NYAP2: variants seen among roughly 807,000 people sequenced by gnomAD.
NYAP2 encodes the protein neuronal tyrosine-phosphorylated phosphoinositide-3-kinase adaptor 2, also known as neuronal tyrosine-phosphorylated phosphoinositide-3-kinase adapter 2.
NYAP2 carries 23 observed loss-of-function variants against 50.4 expected under a neutral mutation model. That is an observed-to-expected ratio of 0.46 (90% confidence interval 0.33 to 0.65). The LOEUF (loss-of-function observed/expected upper bound fraction) is 0.65. Among genes scored for constraint, NYAP2 ranks in the 30% least tolerant of loss-of-function variants. NYAP2 has a pLI of 0.02. For missense variants in NYAP2, 885 were observed against 861.0 expected, an observed-to-expected ratio of 1.03 and a Z score of -0.35; for synonymous variants, 394 against 365.2, an observed-to-expected ratio of 1.08 and a Z score of -0.90.
chr2:225,555,219 T>C (rs932013191), intron 4 of NYAP2, among the ~76,000 whole-genome samples: 9 of 152,192 alleles, frequency 5.9e-5, no homozygotes, highest in African/African-American at 2.2e-4. Flanking sequence ...CCAAAATAAA[T>C]ATAGGCTAGG....
intron 2 of NYAP2, among the ~76,000 whole-genome samples, chr2:225,407,534 G>A (rs186077019): frequency 1.2e-3 from 181 of 151,994 alleles, no homozygotes; most frequent in Non-Finnish European, 7.2e-4. Flanking sequence ...AAAGTCTGAT[G>A]AGAAGTAAAA....
the NYAP2 span, among the ~76,000 whole-genome samples, chr2:225,674,513 G>A: frequency 6.6e-6 from 1 of 152,066 alleles, no homozygotes; most frequent in Non-Finnish European, 1.5e-5. Context: ...AGGGGCAGAA[G>A]TGTGTTAAGG....
At chr2:225,463,561 G>A (rs897421390) in intron 3 of NYAP2, among the ~76,000 whole-genome samples, 2 of 152,292 alleles carry the variant, frequency 1.3e-5, no homozygotes, top group Admixed American at 1.3e-4. Context: ...ACCAGCAAGT[G>A]AAAAACAAAT....
chr2:225,488,853 G>A (rs996552799), intron 3 of NYAP2, among the ~76,000 whole-genome samples: 5 of 152,152 alleles, frequency 3.3e-5, no homozygotes, highest in African/African-American at 1.2e-4. Context: ...CTTCTACAAT[G>A]GTTGGTGAGT....
intron 4 of NYAP2, among the ~76,000 whole-genome samples, chr2:225,536,356 C>T (rs916270449): frequency 6.6e-6 from 1 of 152,132 alleles, no homozygotes; most frequent in Non-Finnish European, 1.5e-5. Flanking sequence ...TTACTCATGG[C>T]ATTACCTGCA....
chr2:225,481,823 C>T (rs1366617580), intron 3 of NYAP2, among the ~76,000 whole-genome samples: 1 of 151,944 alleles, frequency 6.6e-6, no homozygotes, highest in Non-Finnish European at 1.5e-5. Flanking sequence ...ATTTTTGATT[C>T]CTAGTTTGGT....
chr2:225,427,894 T>A (rs557327906), intron 3 of NYAP2, among the ~76,000 whole-genome samples: 1 of 152,286 alleles, frequency 6.6e-6, no homozygotes, highest in South Asian at 2.1e-4. Flanking sequence ...AGGAGCATTT[T>A]ATTCCAAAAC....
intron 3 of NYAP2, among the ~76,000 whole-genome samples, chr2:225,508,100 A>G (rs1221066664): frequency 3.9e-5 from 6 of 152,280 alleles, no homozygotes; most frequent in Admixed American, 3.3e-4. Context: ...CCAACAGACA[A>G]GTAGATCTCA....
chr2:225,410,757 T>G (rs369682077), intron 3 of NYAP2, among the ~76,000 whole-genome samples: 31 of 152,270 alleles, frequency 2.0e-4, no homozygotes, highest in African/African-American at 7.2e-4. Flanking sequence ...GATTCATAGT[T>G]GTTAAGACAA....
At chr2:225,643,261 C>T (rs1693563604) in intron 6 of NYAP2, among the ~76,000 whole-genome samples, 1 of 151,922 alleles carries the variant, frequency 6.6e-6, no homozygotes, top group Non-Finnish European at 1.5e-5. Context: ...GAGATTTTTC[C>T]AGGAAAGCAT....
At chr2:225,458,070 C>T (rs149950550) in intron 3 of NYAP2, among the ~76,000 whole-genome samples, 127 of 151,828 alleles carry the variant, frequency 8.4e-4, no homozygotes, top group African/African-American at 2.9e-3. Context: ...GAAAAAAAAA[C>T]GATACGCACA....
At chr2:225,630,747 G>A (rs918683205) in intron 6 of NYAP2, among the ~76,000 whole-genome samples, 1 of 152,156 alleles carries the variant, frequency 6.6e-6, no homozygotes, top group Non-Finnish European at 1.5e-5. Flanking sequence ...TTAAGGATAG[G>A]GATAATGTAA....
At chr2:225,531,167 G>A (rs1310410757) in intron 4 of NYAP2, among the ~76,000 whole-genome samples, 3 of 152,020 alleles carry the variant, frequency 2.0e-5, no homozygotes, top group African/African-American at 4.8e-5. Flanking sequence ...TTTTTCATCT[G>A]CTCCTGCCTG....
intron 3 of NYAP2, among the ~76,000 whole-genome samples, chr2:225,465,353 C>G (rs1468976021): frequency 6.6e-6 from 1 of 152,066 alleles, no homozygotes; most frequent in Non-Finnish European, 1.5e-5. Flanking sequence ...CTTAGAGTTA[C>G]ACCTCCTGGG....
At chr2:225,668,502 T>C in the NYAP2 span, among the ~76,000 whole-genome samples, 2 of 152,170 alleles carry the variant, frequency 1.3e-5, no homozygotes, top group Non-Finnish European at 2.9e-5. Flanking sequence ...TCTTGTATTT[T>C]CTCTTAGAAA....
intron 3 of NYAP2, among the ~76,000 whole-genome samples, chr2:225,448,446 T>G (rs1689597840): frequency 6.6e-6 from 1 of 152,176 alleles, no homozygotes; most frequent in South Asian, 2.1e-4. Context: ...TACCTCTCTT[T>G]TAATGAAATC....
At chr2:225,533,744 A>T (rs965416738) in intron 4 of NYAP2, among the ~76,000 whole-genome samples, 2 of 152,188 alleles carry the variant, frequency 1.3e-5, no homozygotes, top group Non-Finnish European at 2.9e-5. Context: ...ACTTCCATAT[A>T]GTAAAAAGAC....
chr2:225,456,226 C>T (rs1241625619), intron 3 of NYAP2, among the ~76,000 whole-genome samples: 1 of 152,184 alleles, frequency 6.6e-6, no homozygotes, highest in African/African-American at 2.4e-5. Flanking sequence ...GAATTTGAGT[C>T]ACCCTTGCCC....
intron 3 of NYAP2, among the ~76,000 whole-genome samples, chr2:225,425,756 A>C (rs1695277836): frequency 6.6e-6 from 1 of 152,364 alleles, no homozygotes; most frequent in South Asian, 2.1e-4. Flanking sequence ...ATTTTATACA[A>C]CCACCAAGGG....
Sources: allele counts gnomAD v4.1 joint callset (sites outside exome capture counted in the v4.1 genomes callset), GRCh38; gene constraint gnomAD v4.1.1; transcripts MANE v1.5; gene names NCBI Gene and HGNC (gene_info 2026-07-23, HGNC 2026-07-21).